The following MAP3K14 variants were observed in gnomAD, a reference collection of about 807,000 sequenced individuals.
The protein encoded by MAP3K14 is NF-kappa-beta-inducing kinase.
A neutral mutation model predicts 99.2 loss-of-function variants in MAP3K14; 16 were observed. The ratio of observed to expected loss-of-function variants is 0.16; its 90% CI spans 0.11 to 0.24. MAP3K14 has a LOEUF of 0.24. Ranked by LOEUF, MAP3K14 falls within the 10% of genes least tolerant of loss-of-function variation. The pLI is 1.00. For missense variants in MAP3K14, 784 were observed against 1,208.7 expected (o/e 0.65, Z 5.21); for synonymous variants, 462 against 492.4 (o/e 0.94, Z 0.82).
Position 45,271,227 on chromosome 17 carries a change from A to G in MAP3K14, c.1658-6T>C. On this transcript the variant is annotated splice_region_variant and splice_polypyrimidine_tract_variant and intron_variant, in intron 9 of 15. Transcript: ENST00000344686. The stretch of plus-strand genomic sequence containing the variant: ...TGTGCCAGGGATGTAGTCCCCTGAG[A>G]AGGGGGATGAGACATAAAGTTACCT... The G allele has an allele frequency of 6.2e-7, 1 of 1,601,184 alleles. No homozygotes were observed. Among genetic ancestry groups the G allele is most frequent in the Non-Finnish European group, 8.5e-7 (1 of 1,176,234 alleles).
chr17:45,290,868 G>A, intron 1 of MAP3K14, 103 bp from the exon 2 acceptor site: 1 of 1,119,716 alleles, frequency 8.9e-7, no homozygotes, highest in Non-Finnish European at 1.3e-6. Flanking sequence ...AAGGGTCTCT[G>A]CCTGTTTATG....
At chr17:45,293,824 C>T (rs942444290) in intron 1 of MAP3K14, among the ~76,000 whole-genome samples, 2 of 152,052 alleles carry the variant, frequency 1.3e-5, no homozygotes, top group African/African-American at 4.8e-5. Context: ...GACACACATG[C>T]ACACACACAC....
At position 45,264,513 on chromosome 17, in the gene MAP3K14, C is replaced by T. The variant is rs2044053572; in HGVS notation, c.*123G>A. On this transcript the variant is annotated 3_prime_UTR_variant, in exon 16 of 16. Transcript: ENST00000344686. ...CACCTTGCTGCTGCGAGGCCCTGGTCCCACTGCTGAGCCGGGGGCTGGCAG... is the reference window on the plus strand; with the variant it reads ...CACCTTGCTGCTGCGAGGCCCTGGTTCCACTGCTGAGCCGGGGGCTGGCAG... 1 of 1,257,142 alleles carries T rather than the reference C, an allele frequency of 8.0e-7. No homozygotes were observed. Among genetic ancestry groups the T allele is most frequent in the Admixed American group, 2.8e-5 (1 of 35,384 alleles). 77.9% of individuals were successfully genotyped at this position (1,257,142 alleles called of 1,614,324 possible). A position where few individuals can be genotyped will look rare whatever the true frequency, so the allele number is the denominator to read the frequency against.
intron 1 of MAP3K14, among the ~76,000 whole-genome samples, chr17:45,299,012 T>C (rs2044366683): frequency 6.6e-6 from 1 of 152,034 alleles, no homozygotes; most frequent in African/African-American, 2.4e-5. Context: ...TGGCAAAAGG[T>C]AAGGCACAGA....
chr17:45,307,222 C>T (rs2044437141), intron 1 of MAP3K14, among the ~76,000 whole-genome samples: 1 of 151,762 alleles, frequency 6.6e-6, no homozygotes, highest in African/African-American at 2.4e-5. Context: ...TGTGCCACTG[C>T]ACTCCAACCT....
Position 45,267,183 on chromosome 17 carries a change from C to T in MAP3K14, c.2342G>A (p.Ser781Asn). 1.3e-6 allele frequency: 2 copies of T among 1,595,390 alleles called. No individual in the cohort carries two copies. The highest frequency in any genetic ancestry group is 1.7e-6 in the Non-Finnish European group (2 of 1,170,666). Residue 781 changes from serine to asparagine, a missense_variant, in exon 13 of 16, where the codon AGC becomes AAC. Physicochemically the swap from Ser to Asn is conservative, Grantham distance 46. Around this residue, in one of 5 missense-constraint regions of MAP3K14, gnomAD observed 130 missense variants for 220.4 expected, o/e 0.59. Coordinates refer to ENST00000344686, the MANE Select transcript of MAP3K14 (RefSeq NM_003954.5). The surrounding 1 kb of genome is among the most constrained non-coding windows in gnomAD (Gnocchi z 5.1). Reference protein sequence around the residue: ...QQLEIELFLNSLSQPFSLEEQ... With the variant: ...QQLEIELFLNNLSQPFSLEEQ... Reference sequence around the variant, plus strand: ...CTCCAGAGAAAATGGCTGGGACAGGCTGTTGAGGAATAATTCTGCAGGGAA... The same window carrying T: ...CTCCAGAGAAAATGGCTGGGACAGGTTGTTGAGGAATAATTCTGCAGGGAA...
At chr17:45,276,550 C>T (rs1422914077) in intron 6 of MAP3K14, among the ~76,000 whole-genome samples, 1 of 151,708 alleles carries the variant, frequency 6.6e-6, no homozygotes, top group Non-Finnish European at 1.5e-5. Context: ...CTCGCTGTGT[C>T]GCCCAGGCTG....
At chr17:45,279,609 G>A (rs1015049089) in intron 6 of MAP3K14, among the ~76,000 whole-genome samples, 1 of 151,678 alleles carries the variant, frequency 6.6e-6, no homozygotes, top group Non-Finnish European at 1.5e-5. Context: ...ATTTTTAGTA[G>A]ATACGGGGTT....
In MAP3K14 at chr17:45,266,646, G is replaced by A; in HGVS notation, c.2469C>T (p.Thr823=). The change falls in exon 14 of 16, where the codon ACC becomes ACT. Residue 823 remains threonine (T), a synonymous_variant. Coordinates refer to ENST00000344686, the MANE Select transcript of MAP3K14 (RefSeq NM_003954.5). The stretch of plus-strand genomic sequence containing the variant: ...TCCAGGAGTGTACGCCTGAGCTCAG[G>A]GTGTCCCGCGAGCTTTGAGAGGCCT... ...PSKASQSSRD[T]LSSGVHSWSS... is the part of the protein sequence containing the mutation. The A allele has an allele frequency of 6.2e-7, 1 of 1,612,972 alleles. No homozygotes were observed.
At chr17:45,293,328 T>C (rs979987795) in intron 1 of MAP3K14, among the ~76,000 whole-genome samples, 1 of 152,170 alleles carries the variant, frequency 6.6e-6, no homozygotes, top group African/African-American at 2.4e-5. Context: ...AACGGAGGCT[T>C]CTGGATAGGT....
chr17:45,290,213 G>T (rs766125408), intron 2 of MAP3K14, among the ~76,000 whole-genome samples: 5 of 152,192 alleles, frequency 3.3e-5, no homozygotes, highest in African/African-American at 4.8e-5. Context: ...TTGATGGCCT[G>T]CTTGATGATT....
At chr17:45,315,892 A>G (rs928812556) in intron 1 of MAP3K14, among the ~76,000 whole-genome samples, 1 of 152,170 alleles carries the variant, frequency 6.6e-6, no homozygotes. Flanking sequence ...ACACATCACT[A>G]ATGTTAAGAT....
chr17:45,279,678 C>G (rs1244998647), intron 6 of MAP3K14, among the ~76,000 whole-genome samples: 1 of 152,122 alleles, frequency 6.6e-6, no homozygotes, highest in Non-Finnish European at 1.5e-5. Context: ...CCACCTCGGC[C>G]TCCCAAAGTG....
rs2044146732 is a variant in MAP3K14, at chr17:45,272,164, A to G, written c.1658-943T>C. ...TACTGAGACCCCATGTATATCTACA[A>G]AAAACATAAAAATTGAGCCGGACAT... On this transcript the variant is annotated intron_variant, in intron 9 of 15. Coordinates refer to ENST00000344686, the MANE Select transcript of MAP3K14 (RefSeq NM_003954.5). This position sits in a 1 kb window ranked among gnomAD's most constrained non-coding sequence, Gnocchi z 4.1. 6.6e-6 allele frequency among the ~76,000 whole-genome samples: 1 copy of G among 152,052 alleles called. No individual in the cohort carries two copies. Among genetic ancestry groups the G allele is most frequent in the African/African-American group, 2.4e-5 (1 of 41,406 alleles).
Position 45,286,957 on chromosome 17 carries a change from CAG to C in MAP3K14, c.624_625del (p.Cys209PhefsTer2). 6.2e-7 allele frequency: 1 copy of C among 1,614,070 alleles called. No individual in the cohort carries two copies. The highest frequency in any genetic ancestry group is 8.5e-7 in the Non-Finnish European group (1 of 1,179,900). ...TAGGCCCTCGCCAAGCTGCTTAAAA[CAG>C]AGTTGCCCAAGGCCTGGTTCCTTCA... On this transcript the variant is annotated frameshift_variant, in exon 5 of 16. Coordinates refer to ENST00000344686, the MANE Select transcript of MAP3K14 (RefSeq NM_003954.5). LOFTEE classifies it high-confidence loss of function. The surrounding 1 kb of genome is among the most constrained non-coding windows in gnomAD (Gnocchi z 4.1).
intron 1 of MAP3K14, among the ~76,000 whole-genome samples, chr17:45,302,228 A>G (rs1452742943): frequency 6.6e-6 from 1 of 151,460 alleles, no homozygotes; most frequent in African/African-American, 2.4e-5. Context: ...CTCCATTCCT[A>G]TAAGGGGATC....
At chr17:45,270,210 T>G (rs1203090328) in intron 11 of MAP3K14, among the ~76,000 whole-genome samples, 1 of 152,160 alleles carries the variant, frequency 6.6e-6, no homozygotes, top group African/African-American at 2.4e-5. Context: ...GTTTTCTCTT[T>G]CCCATCTCCT....
At chr17:45,292,725 CT>C (rs2044319925) in intron 1 of MAP3K14, among the ~76,000 whole-genome samples, 1 of 152,198 alleles carries the variant, frequency 6.6e-6, no homozygotes. Context: ...GCCGATCCCA[CT>C]GTTCTCAGCC....
intron 6 of MAP3K14, among the ~76,000 whole-genome samples, chr17:45,280,891 G>A (rs996698061): frequency 6.6e-6 from 1 of 152,126 alleles, no homozygotes. Context: ...GATTACAGGC[G>A]TGAGCTACTG....
Sources: gnomAD v4.1 joint callset for allele counts (sites outside exome capture counted in the v4.1 genomes callset) on GRCh38, gnomAD v4.1.1 for gene constraint, gnomAD v4.1.1 regional missense constraint, Gnocchi (gnomAD v3.1) non-coding constraint, MANE v1.5 for transcripts, NCBI Gene and HGNC (gene_info 2026-07-23, HGNC 2026-07-21) for gene names.